The following TWIST2 variants were observed in gnomAD, a reference collection of about 807,000 sequenced individuals.
TWIST2 encodes twist-related protein 2.
In TWIST2, 1 loss-of-function variant was observed where a neutral mutation model predicts 11.6. The observed-to-expected ratio is 0.09, with a 90% CI of 0.03 to 0.41. The LOEUF (loss-of-function observed/expected upper bound fraction) is 0.41. Among genes scored for constraint, TWIST2 ranks in the 10% least tolerant of loss-of-function variants. The pLI is 0.98. For synonymous variants in TWIST2, 87 were observed against 96.6 expected (o/e 0.90, Z 0.58); for missense variants, 168 against 226.4 (o/e 0.74, Z 1.66).
intron 1 of TWIST2, among the ~76,000 whole-genome samples, chr2:238,897,967 C>G (rs1411852269): frequency 6.6e-6 from 1 of 152,246 alleles, no homozygotes; most frequent in Non-Finnish European, 1.5e-5. Context: ...TGGGTGATCA[C>G]TGAGGCATGG....
rs1693292764 is a variant in TWIST2 at position 238,902,940 on chromosome 2, GT to G, written c.*36-6900del. Among the ~76,000 whole-genome samples the G allele has an allele frequency of 1.9e-4, 4 of 21,428 alleles. 1 individual carries two copies. Among genetic ancestry groups the G allele is most frequent in the South Asian group, 5.0e-3 (2 of 400 alleles). 14.1% of individuals were successfully genotyped at this position (21,428 alleles called of 152,430 possible). ...GATGTGAGGTGTGTGTGATGTGGGT[GT>G]TGTGATGTGTGAGGTGTGTGTGATG... is the stretch of plus-strand genomic sequence containing the variant. On this transcript the variant is annotated intron_variant, in intron 1 of 1. Transcript: ENST00000612363.
Position 238,866,643 on chromosome 2 carries a change from C to T in TWIST2, c.*35+17910C>T, listed in dbSNP as rs771044170. Among the ~76,000 whole-genome samples, 17 of 151,854 alleles carry T rather than the reference C, an allele frequency of 1.1e-4. No individual in the cohort carries two copies. The highest frequency in any genetic ancestry group is 2.6e-4 in the Admixed American group (4 of 15,270). On this transcript the variant is annotated intron_variant, in intron 1 of 1. Transcript: ENST00000612363. This position sits in a 1 kb window ranked among gnomAD's most constrained non-coding sequence, Gnocchi z 4.9. ...CTGTACTCCAGCCTGGGTGACAGAG[C>T]GAGACTCCACCATGGAAAAAAAAAA...
In TWIST2 at chr2:238,870,638, A is replaced by C. The variant is rs1284554397; in HGVS notation, c.*35+21905A>C. Among the ~76,000 whole-genome samples the C allele has an allele frequency of 3.2e-4, 13 of 41,268 alleles. No individual in the cohort carries two copies. In the East Asian group the frequency reaches 3.6e-3, roughly 11 times the overall value. 27.1% of individuals were successfully genotyped at this position (41,268 alleles called of 152,430 possible). A position where few individuals can be genotyped will look rare whatever the true frequency, so the allele number is the denominator to read the frequency against. On this transcript the variant is annotated intron_variant, in intron 1 of 1. Transcript: ENST00000612363. ...TACCACACACAAACCACACCCCCCC[A>C]CACACACAGCACACACCACACACAA...
chr2:238,848,463 A>G lies in TWIST2; in HGVS notation c.248A>G (p.Asn83Ser). The G allele has an allele frequency of 1.3e-6, 2 of 1,564,518 alleles. No individual in the cohort carries two copies. The highest frequency in any genetic ancestry group is 1.7e-6 in the Non-Finnish European group (2 of 1,157,982). The change falls in exon 1 of 2, where the codon AAC (asparagine) becomes AGC (serine). Residue 83 changes from asparagine to serine, a missense_variant. This residue lies in a region of TWIST2 where 23 missense variants were observed against 58.5 expected (regional missense o/e 0.39). Coordinates refer to ENST00000612363, the MANE Select transcript of TWIST2 (RefSeq NM_001271893.4). ...VRERQRTQSL[N>S]EAFAALRKII... ...GAGCGCCAGCGCACCCAGTCGCTCA[A>G]CGAGGCCTTCGCGGCGCTGCGCAAG...
chr2:238,875,784 A>G (rs1692794820), intron 1 of TWIST2, among the ~76,000 whole-genome samples: 1 of 152,210 alleles, frequency 6.6e-6, no homozygotes, highest in Admixed American at 6.5e-5. Context: ...CCAAGTTCCA[A>G]AAAAACAAAT....
At chr2:238,848,815 TCTC>T in intron 1 of TWIST2, 82 bp downstream of exon 1, 8 of 1,148,446 alleles carry the variant, frequency 7.0e-6, no homozygotes, top group Non-Finnish European at 8.8e-6. Flanking sequence ...CCTGCTCGTG[TCTC>T]CTCGGCGAGG....
chr2:238,903,565 G>A (rs1238499778), intron 1 of TWIST2, among the ~76,000 whole-genome samples: 9 of 132,946 alleles, frequency 6.8e-5, no homozygotes, highest in South Asian at 5.1e-4. Context: ...GTGTGATGTA[G>A]TGTGTGTGAT....
intron 1 of TWIST2, among the ~76,000 whole-genome samples, chr2:238,872,879 C>T (rs996482818): frequency 6.6e-6 from 1 of 152,232 alleles, no homozygotes; most frequent in African/African-American, 2.4e-5. Context: ...CTGCAGGGTC[C>T]TTCGTGTTGC....
At chr2:238,870,214 CCACACACACA>C (rs1559273637) in intron 1 of TWIST2, among the ~76,000 whole-genome samples, 1 of 12,624 alleles carries the variant, frequency 7.9e-5, no homozygotes. Flanking sequence ...ACCACACACC[CCACACACACA>C]TCACATACCA....
intron 1 of TWIST2, among the ~76,000 whole-genome samples, chr2:238,862,619 C>T (rs1692454691): frequency 6.6e-6 from 1 of 152,164 alleles, no homozygotes; most frequent in African/African-American, 2.4e-5. Flanking sequence ...GCTGCACAAG[C>T]TTTCTAAAGG....
chr2:238,905,460 T>G (rs907622966), intron 1 of TWIST2, among the ~76,000 whole-genome samples: 1 of 152,040 alleles, frequency 6.6e-6, no homozygotes, highest in Non-Finnish European at 1.5e-5. Context: ...CAGGGTGACA[T>G]CAAGGGGGCC....
chr2:238,896,325 G>T (rs1693207031), intron 1 of TWIST2, among the ~76,000 whole-genome samples: 1 of 152,230 alleles, frequency 6.6e-6, no homozygotes, highest in Non-Finnish European at 1.5e-5. Flanking sequence ...ATAGCATGGG[G>T]AGCAAACAGG....
chr2:238,900,802 G>A (rs1471090783), intron 1 of TWIST2, among the ~76,000 whole-genome samples: 3 of 152,074 alleles, frequency 2.0e-5, no homozygotes, highest in African/African-American at 7.2e-5. Flanking sequence ...TACTCTTAGA[G>A]CCCAGAGATT....
chr2:238,897,390 C>T (rs1255301222), intron 1 of TWIST2, among the ~76,000 whole-genome samples: 1 of 152,140 alleles, frequency 6.6e-6, no homozygotes, highest in African/African-American at 2.4e-5. Context: ...GGGAGCCTGA[C>T]CCCCAAGGAC....
chr2:238,885,628 C>T (rs1306771983), intron 1 of TWIST2, among the ~76,000 whole-genome samples: 1 of 152,130 alleles, frequency 6.6e-6, no homozygotes, highest in African/African-American at 2.4e-5. Flanking sequence ...CCATCAGGAG[C>T]CCCAAGAGTC....
At chr2:238,883,501 CG>C (rs1559279700) in intron 1 of TWIST2, among the ~76,000 whole-genome samples, 1 of 152,170 alleles carries the variant, frequency 6.6e-6, no homozygotes, top group African/African-American at 2.4e-5. Context: ...GGAGAAGGGA[CG>C]GGAGATGCCA....
At chr2:238,876,150 A>T (rs1330667258) in intron 1 of TWIST2, among the ~76,000 whole-genome samples, 2 of 152,168 alleles carry the variant, frequency 1.3e-5, no homozygotes, top group African/African-American at 4.8e-5. Context: ...TGGAGGGCGG[A>T]TGGCCACACA....
At chr2:238,882,267 A>G (rs1215150792) in intron 1 of TWIST2, among the ~76,000 whole-genome samples, 1 of 152,048 alleles carries the variant, frequency 6.6e-6, no homozygotes, top group Admixed American at 6.6e-5. Context: ...TGCACAGTGC[A>G]CTGTCCTGTG....
intron 1 of TWIST2, among the ~76,000 whole-genome samples, chr2:238,903,212 G>T (rs1213112451): frequency 1.4e-5 from 2 of 143,598 alleles, no homozygotes; most frequent in Non-Finnish European, 1.5e-5. Context: ...GGTATGTGAT[G>T]TGAGGTTTAT....
Sources: gnomAD v4.1 joint callset for allele counts (sites outside exome capture counted in the v4.1 genomes callset) on GRCh38, gnomAD v4.1.1 for gene constraint, gnomAD v4.1.1 regional missense constraint, Gnocchi (gnomAD v3.1) non-coding constraint, MANE v1.5 for transcripts, NCBI Gene and HGNC (gene_info 2026-07-23, HGNC 2026-07-21) for gene names.